The following PABPC4L variants were observed in gnomAD, a reference collection of about 807,000 sequenced individuals.
PABPC4L encodes the protein poly(A) binding protein cytoplasmic 4 like, also known as polyadenylate-binding protein 4-like.
For missense variants in PABPC4L, 452 were observed against 451.4 expected (o/e 1.00, Z -0.01); for synonymous variants, 169 against 164.1 (o/e 1.03, Z -0.23).
the PABPC4L span, among the ~76,000 whole-genome samples, chr4:134,012,586 C>A: frequency 6.6e-6 from 1 of 152,182 alleles, no homozygotes; most frequent in Non-Finnish European, 1.5e-5. Flanking sequence ...TCACACAAAG[C>A]CTGTTTGGTG....
chr4:133,967,037 A>G, the PABPC4L span, among the ~76,000 whole-genome samples: 1 of 152,166 alleles, frequency 6.6e-6, no homozygotes, highest in Non-Finnish European at 1.5e-5. Flanking sequence ...AAGGTATTAA[A>G]GAGAAGGAAG....
the PABPC4L span, among the ~76,000 whole-genome samples, chr4:133,994,223 A>G: frequency 6.6e-6 from 1 of 152,020 alleles, no homozygotes; most frequent in Non-Finnish European, 1.5e-5. Context: ...ATGGTTCTAT[A>G]TGGCTGGCTT....
the PABPC4L span, among the ~76,000 whole-genome samples, chr4:134,183,660 T>C: frequency 6.6e-6 from 1 of 151,908 alleles, no homozygotes; most frequent in Non-Finnish European, 1.5e-5. Flanking sequence ...TAAATGTGTT[T>C]CCATATATTT....
the PABPC4L span, among the ~76,000 whole-genome samples, chr4:134,037,015 C>A: frequency 2.0e-5 from 3 of 150,290 alleles, no homozygotes; most frequent in Non-Finnish European, 3.0e-5. Flanking sequence ...GAGATCATGC[C>A]ATTGCACTCC....
At chr4:134,133,011 A>G in the PABPC4L span, among the ~76,000 whole-genome samples, 1 of 106,962 alleles carries the variant, frequency 9.3e-6, no homozygotes, top group South Asian at 3.0e-4. Flanking sequence ...ATACTATATG[A>G]TAGTATATAC....
rs755430044 is a variant in PABPC4L, at chr4:134,200,819, C to A, written c.201G>T (p.Ala67=). The A allele has an allele frequency of 7.7e-6, 12 of 1,553,156 alleles. No individual in the cohort carries two copies. The highest frequency in any genetic ancestry group is 3.9e-5 in the Admixed American group (2 of 51,086). ...NFLQLADAQK[A]LDTMNFDIIK... Reference sequence around the variant, plus strand: ...TGATGTCAAAGTTCATTGTGTCCAGCGCCTTCTGGGCATCAGCCAGCTGCA... The same window carrying A: ...TGATGTCAAAGTTCATTGTGTCCAGAGCCTTCTGGGCATCAGCCAGCTGCA... The change falls in exon 2 of 2, where the codon GCG becomes GCT. Residue 67 remains alanine, a synonymous_variant. Coordinates refer to ENST00000421491, the MANE Select transcript of PABPC4L (RefSeq NM_001114734.2).
the PABPC4L span, among the ~76,000 whole-genome samples, chr4:134,131,713 C>CAA: frequency 6.4e-4 from 6 of 9,358 alleles, 1 homozygote; most frequent in African/African-American, 4.1e-3. Flanking sequence ...TCCTGTGAAA[C>CAA]CAAAAAAAAA....
the PABPC4L span, among the ~76,000 whole-genome samples, chr4:134,185,652 C>A: frequency 6.6e-6 from 1 of 152,142 alleles, no homozygotes; most frequent in African/African-American, 2.4e-5. Context: ...TCTCTCACCA[C>A]TCCTATTCAA....
chr4:134,154,332 T>G, the PABPC4L span, among the ~76,000 whole-genome samples: 1 of 152,098 alleles, frequency 6.6e-6, no homozygotes, highest in African/African-American at 2.4e-5. Context: ...GGCGCATGCC[T>G]GTAGTCCCAG....
the PABPC4L span, among the ~76,000 whole-genome samples, chr4:133,979,090 T>C: frequency 4.9e-3 from 752 of 152,296 alleles, 9 homozygotes; most frequent in African/African-American, 0.015. Context: ...TGAAAAGATT[T>C]TCCATGTTCA....
In PABPC4L at chr4:134,200,538, A is replaced by G; in HGVS notation, c.482T>C (p.Leu161Pro). The G allele has an allele frequency of 6.4e-7, 1 of 1,551,608 alleles. No individual in the cohort carries two copies. The highest frequency in any genetic ancestry group is 1.2e-5 in the South Asian group (1 of 84,062). The part of the protein sequence containing the change: ...DRAIEEMNGK[L>P]LKGCKVFVGR... Reference sequence around the variant, plus strand: ...AACAAACACCTTGCAGCCCTTGAGTAGTTTTCCATTCATCTCCTCAATGGC... The same window carrying G: ...AACAAACACCTTGCAGCCCTTGAGTGGTTTTCCATTCATCTCCTCAATGGC... Residue 161 changes from leucine (L) to proline (P), a missense_variant, in exon 2 of 2, where the codon CTA becomes CCA. Leu to Pro is a moderately conservative substitution (Grantham distance 98). Coordinates refer to ENST00000421491, the MANE Select transcript of PABPC4L (RefSeq NM_001114734.2).
the PABPC4L span, among the ~76,000 whole-genome samples, chr4:133,984,887 A>G: frequency 1.3e-5 from 2 of 151,940 alleles, no homozygotes; most frequent in Non-Finnish European, 2.9e-5. Context: ...AGGGAATCAA[A>G]TGGTAGAAAA....
At chr4:134,120,291 A>T in the PABPC4L span, among the ~76,000 whole-genome samples, 2 of 145,604 alleles carry the variant, frequency 1.4e-5, no homozygotes, top group Non-Finnish European at 3.0e-5. Flanking sequence ...TAGCCATTCT[A>T]ATGAACTAGA....
At chr4:134,147,749 G>GTGT in the PABPC4L span, among the ~76,000 whole-genome samples, 826 of 149,014 alleles carry the variant, frequency 5.5e-3, 4 homozygotes, top group African/African-American at 0.016. Flanking sequence ...GTGTGTGTGT[G>GTGT]TGTTGTTGTT....
the PABPC4L span, among the ~76,000 whole-genome samples, chr4:134,041,254 A>G: frequency 6.6e-6 from 1 of 152,230 alleles, no homozygotes; most frequent in Non-Finnish European, 1.5e-5. Context: ...AAATTATTCT[A>G]CCATAAAGAC....
the PABPC4L span, among the ~76,000 whole-genome samples, chr4:134,100,031 T>A: frequency 2.0e-5 from 3 of 151,668 alleles, no homozygotes; most frequent in Non-Finnish European, 4.4e-5. Context: ...TTGCTGTGAA[T>A]GAAATGAATG....
At chr4:134,123,833 T>C in the PABPC4L span, among the ~76,000 whole-genome samples, 2 of 150,610 alleles carry the variant, frequency 1.3e-5, no homozygotes, top group African/African-American at 2.4e-5. Flanking sequence ...AAAAAGAAAC[T>C]GTCAAAACAG....
the PABPC4L span, among the ~76,000 whole-genome samples, chr4:134,097,117 A>G: frequency 6.6e-6 from 1 of 151,920 alleles, no homozygotes; most frequent in Non-Finnish European, 1.5e-5. Context: ...GCCCTAGCCT[A>G]TACAGGCAGT....
At chr4:133,990,518 A>G in the PABPC4L span, among the ~76,000 whole-genome samples, 1 of 152,116 alleles carries the variant, frequency 6.6e-6, no homozygotes, top group Non-Finnish European at 1.5e-5. Context: ...TGAGTAACAG[A>G]TGAAAGAAGT....
Sources: gnomAD v4.1 joint callset for allele counts (sites outside exome capture counted in the v4.1 genomes callset) on GRCh38, gnomAD v4.1.1 for gene constraint, MANE v1.5 for transcripts, NCBI Gene and HGNC (gene_info 2026-07-23, HGNC 2026-07-21) for gene names.